RNF43: variants seen among roughly 807,000 people sequenced by gnomAD.
RNF43 encodes the protein ring finger protein 43.
RNF43 carries 37 observed loss-of-function variants against 78.4 expected under a neutral mutation model. The ratio of observed to expected loss-of-function variants is 0.47; its 90% CI spans 0.36 to 0.62. The LOEUF is 0.62. Ranked by LOEUF, RNF43 falls within the 20% of genes least tolerant of loss-of-function variation. RNF43 has a pLI of 0.00. For synonymous variants in RNF43, 347 were observed against 395.0 expected, an observed-to-expected ratio of 0.88 and a Z score of 1.44; for missense variants, 774 against 1,007.9, an observed-to-expected ratio of 0.77 and a Z score of 3.14.
At chr17:58,372,421 A>G (rs1973118817) in intron 2 of RNF43, among the ~76,000 whole-genome samples, 2 of 152,192 alleles carry the variant, frequency 1.3e-5, no homozygotes, top group Admixed American at 1.3e-4. Context: ...AAAGGTTATC[A>G]TGTGCCCCTG....
chr17:58,368,264 T>G (rs908981712), intron 3 of RNF43, among the ~76,000 whole-genome samples: 1 of 152,074 alleles, frequency 6.6e-6, no homozygotes, highest in East Asian at 1.9e-4. Context: ...AAACAGATGT[T>G]CGGCTGGGTG....
At chr17:58,375,225 G>A (rs549072220) in intron 2 of RNF43, among the ~76,000 whole-genome samples, 10 of 152,220 alleles carry the variant, frequency 6.6e-5, no homozygotes, top group East Asian at 3.9e-4. Flanking sequence ...ACTTGAGCAC[G>A]TTACTCTTCT....
intron 2 of RNF43, among the ~76,000 whole-genome samples, chr17:58,376,508 A>T (rs1238117874): frequency 6.6e-6 from 1 of 152,224 alleles, no homozygotes; most frequent in Non-Finnish European, 1.5e-5. Flanking sequence ...AATTAAAAAC[A>T]AATAATAGCC....
downstream of RNF43, chr17:58,352,753 A>G (rs543431368): frequency 1.8e-4 from 38 of 213,450 alleles, no homozygotes; most frequent in Non-Finnish European, 3.3e-4. Context: ...AAAAATGCGT[A>G]TTTATCTTTT....
At chr17:58,367,161 T>C (rs1972974105) in intron 3 of RNF43, among the ~76,000 whole-genome samples, 1 of 152,012 alleles carries the variant, frequency 6.6e-6, no homozygotes, top group African/African-American at 2.4e-5. Context: ...CCACCACGCC[T>C]GGCTAATTTT....
chr17:58,413,139 C>T (rs1974057401), intron 2 of RNF43, among the ~76,000 whole-genome samples: 1 of 152,104 alleles, frequency 6.6e-6, no homozygotes, highest in African/African-American at 2.4e-5. Context: ...TTGAGTAAAC[C>T]TGAGTTGCAG....
At position 58,362,547 on chromosome 17, in the gene RNF43, C is replaced by T; in HGVS notation, c.684G>A (p.Arg228=). ...LRIRCRPRHS[R]PDPLQQRTAW... The stretch of plus-strand genomic sequence containing the variant: ...CCAAAGACCCCACACTGCTCACCGG[C>T]CTGCTGTGGCGGGGGCGGCACCGGA... Residue 228 remains arginine, a synonymous_variant, in exon 6 of 10, where the codon AGG becomes AGA. Transcript: ENST00000407977. 6 of 1,608,872 alleles carry T rather than the reference C, an allele frequency of 3.7e-6. No individual in the cohort carries two copies. In the South Asian group the frequency reaches 6.6e-5, roughly 18 times the overall value.
chr17:58,357,549 C>T lies in RNF43; in HGVS notation c.2227G>A (p.Gly743Arg), dbSNP rs1972712840. 3 of 1,614,114 alleles carry T rather than the reference C, an allele frequency of 1.9e-6. No individual in the cohort carries two copies. Among genetic ancestry groups the T allele is most frequent in the Non-Finnish European group, 2.5e-6 (3 of 1,180,042 alleles). ...GTGTCAGAACTCCATTCAGAAGGCC[C>T]CTCCCCAGGTGGATGTGGTTCCAGG... ...QPLEPHPPGEGPSEWSSDTAE... is the reference protein window; with the variant it reads ...QPLEPHPPGERPSEWSSDTAE... The change falls in exon 9 of 10, where the codon GGG (glycine) becomes AGG (arginine). Residue 743 changes from glycine (G) to arginine (R), a missense_variant. Coordinates refer to ENST00000407977, the MANE Select transcript of RNF43 (RefSeq NM_017763.6). The surrounding 1 kb of genome is among the most constrained non-coding windows in gnomAD (Gnocchi z 4.5).
Position 58,354,998 on chromosome 17 carries a change from G to A in RNF43, c.2309-12C>T. On this transcript the variant is annotated splice_polypyrimidine_tract_variant and intron_variant, in intron 9 of 9. Transcript: ENST00000407977. ...TTCCTCCTCTGAGCCTGTATTTAGA[G>A]AGCGGGGAGGAAAGAGGTCATTGAG... 6.2e-7 allele frequency: 1 copy of A among 1,613,480 alleles called. No individual in the cohort carries two copies. The highest frequency in any genetic ancestry group is 1.7e-5 in the Admixed American group (1 of 60,006).
intron 2 of RNF43, among the ~76,000 whole-genome samples, chr17:58,384,023 CCT>C (rs138359661): frequency 0.027 from 4,133 of 152,272 alleles, 182 homozygotes; most frequent in African/African-American, 0.091. Flanking sequence ...CTATCCTGCC[CCT>C]GAGAATGTAT....
Position 58,396,683 on chromosome 17 carries a change from A to G in RNF43, c.252+18643T>C, listed in dbSNP as rs185625015. Among the ~76,000 whole-genome samples, 4 of 152,336 alleles carry G rather than the reference A, an allele frequency of 2.6e-5. No individual in the cohort carries two copies. The East Asian group carries it at 5.8e-4, about 22-fold the overall frequency. On this transcript the variant is annotated intron_variant, in intron 2 of 9. Coordinates refer to ENST00000407977, the MANE Select transcript of RNF43 (RefSeq NM_017763.6). ...ACTGGTCTGAGGTTTGCTTAGAGTT[A>G]GTAGCTTCCTCTAAAGGATTGAAAA...
intron 2 of RNF43, among the ~76,000 whole-genome samples, chr17:58,383,461 A>C (rs1973364543): frequency 6.6e-6 from 1 of 151,850 alleles, no homozygotes; most frequent in Non-Finnish European, 1.5e-5. Context: ...AAGCCTGGTT[A>C]ATGTTTTTAA....
intron 3 of RNF43, among the ~76,000 whole-genome samples, chr17:58,370,066 T>G (rs920796504): frequency 2.0e-5 from 2 of 98,712 alleles, no homozygotes; most frequent in South Asian, 3.0e-4. Flanking sequence ...CTGAGTTTTT[T>G]TTTTTTTTTT....
At position 58,417,020 on chromosome 17, in the gene RNF43, T is replaced by G. The variant is rs1433285128; in HGVS notation, c.-389A>C. ...ATTTCAAAAGAAATCTGCAAACCTGTTGCGCTGTCGGGCCCACTGGAATCC... is the reference window on the plus strand; with the variant it reads ...ATTTCAAAAGAAATCTGCAAACCTGGTGCGCTGTCGGGCCCACTGGAATCC... On this transcript the variant is annotated 5_prime_UTR_variant, in exon 1 of 10. Coordinates refer to ENST00000407977, the MANE Select transcript of RNF43 (RefSeq NM_017763.6). 2 of 152,224 alleles carry G rather than the reference T, an allele frequency of 1.3e-5. No homozygotes were observed. Among genetic ancestry groups the G allele is most frequent in the African/African-American group, 4.8e-5 (2 of 41,448 alleles). The allele number at this position is 152,224 out of a possible 1,614,324, so 9.4% of individuals were successfully genotyped here.
In RNF43 at chr17:58,358,036, AGGCCT is replaced by A. The variant is rs748097142; in HGVS notation, c.1735_1739del (p.Arg579SerfsTer15). On this transcript the variant is annotated frameshift_variant, in exon 9 of 10. Transcript: ENST00000407977. LOFTEE classifies it high-confidence loss of function. The surrounding 1 kb of genome is among the most constrained non-coding windows in gnomAD (Gnocchi z 6.2). ...GCTGGGGCTGTGTCCGAGGAATAGG[AGGCCT>A]GGACTGGGGGACTCCGGTTTCTGGG... 1 of 1,587,822 alleles carries A rather than the reference AGGCCT, an allele frequency of 6.3e-7. No homozygotes were observed. The highest frequency in any genetic ancestry group is 1.8e-5 in the Admixed American group (1 of 56,144).
Position 58,357,343 on chromosome 17 carries a change from G to T in RNF43, c.2308+125C>A. 1 of 1,205,994 alleles carries T rather than the reference G, an allele frequency of 8.3e-7. No individual in the cohort carries two copies. Among genetic ancestry groups the T allele is most frequent in the Non-Finnish European group, 1.2e-6 (1 of 818,566 alleles). The allele number at this position is 1,205,994 out of a possible 1,614,324, so 74.7% of individuals were successfully genotyped here. ...CGCTGTCCCGATGGTTAAGTATTTT[G>T]GTTGTCATCTCTGCTGTATCCTTCT... is the stretch of plus-strand genomic sequence containing the variant. On this transcript the variant is annotated intron_variant, in intron 9 of 9. Transcript: ENST00000407977. The surrounding 1 kb of genome is among the most constrained non-coding windows in gnomAD (Gnocchi z 4.5).
At chr17:58,393,973 G>A (rs559828650) in intron 2 of RNF43, among the ~76,000 whole-genome samples, 3 of 152,210 alleles carry the variant, frequency 2.0e-5, no homozygotes, top group Admixed American at 6.5e-5. Context: ...GGAGAATGGC[G>A]TGAACCTGGG....
intron 2 of RNF43, among the ~76,000 whole-genome samples, chr17:58,371,887 C>T (rs1354015244): frequency 6.6e-6 from 1 of 152,208 alleles, no homozygotes; most frequent in African/African-American, 2.4e-5. Flanking sequence ...GTGAGACCAC[C>T]TTACTCTCTC....
Position 58,358,960 on chromosome 17 carries a change from C to T in RNF43, c.953-137G>A. Reference sequence around the variant, plus strand: ...CAGAGTTTGGGGGATCAAGGACGTGCCTAAGCTGCCTGTGCTCTGGGACTC... The same window carrying T: ...CAGAGTTTGGGGGATCAAGGACGTGTCTAAGCTGCCTGTGCTCTGGGACTC... On this transcript the variant is annotated intron_variant, in intron 8 of 9. Coordinates refer to ENST00000407977, the MANE Select transcript of RNF43 (RefSeq NM_017763.6). This position sits in a 1 kb window ranked among gnomAD's most constrained non-coding sequence, Gnocchi z 6.2. 1.1e-6 allele frequency: 1 copy of T among 936,004 alleles called. No homozygotes were observed. Among genetic ancestry groups the T allele is most frequent in the South Asian group, 1.9e-5 (1 of 51,514 alleles). The allele number at this position is 936,004 out of a possible 1,614,324, so 58.0% of individuals were successfully genotyped here.
Sources: gnomAD v4.1 joint callset for allele counts (sites outside exome capture counted in the v4.1 genomes callset) on GRCh38, gnomAD v4.1.1 for gene constraint, Gnocchi (gnomAD v3.1) non-coding constraint, MANE v1.5 for transcripts, NCBI Gene and HGNC (gene_info 2026-07-23, HGNC 2026-07-21) for gene names.